The following CDK8 variants were observed in gnomAD, a reference collection of about 807,000 sequenced individuals.
CDK8 encodes the protein cyclin-dependent kinase 8.
In CDK8, 29 loss-of-function variants were observed where a neutral mutation model predicts 71.5. The observed-to-expected ratio is 0.41, with a 90% CI of 0.30 to 0.55. CDK8 has a LOEUF of 0.55. CDK8 is among the 20% of genes least tolerant of loss of function. The pLI is 0.37. For synonymous variants in CDK8, 161 were observed against 192.1 expected, an observed-to-expected ratio of 0.84 and a Z score of 1.34; for missense variants, 288 against 572.6, an observed-to-expected ratio of 0.50 and a Z score of 5.07.
rs191673981 is a variant in CDK8, at chr13:26,346,681, G to C, written c.205-2391G>C. 1.4e-3 allele frequency among the ~76,000 whole-genome samples: 210 copies of C among 152,256 alleles called. 1 individual carries two copies. The highest frequency in any genetic ancestry group is 4.9e-3 in the African/African-American group (203 of 41,546). ...GGAATGGTCAATTTTAGATATTAGC[G>C]TTTAGGTTTCTGAGGATTGGTATAT... On this transcript the variant is annotated intron_variant, in intron 2 of 12. Transcript: ENST00000381527.
intron 1 of CDK8, among the ~76,000 whole-genome samples, chr13:26,317,162 A>G (rs894732724): frequency 6.6e-6 from 1 of 152,198 alleles, no homozygotes; most frequent in African/African-American, 2.4e-5. Flanking sequence ...GAGAAGAAGC[A>G]GAGAGAGAGC....
At position 26,329,669 on chromosome 13, in the gene CDK8, A is replaced by T. The variant is rs184180229; in HGVS notation, c.129-7898A>T. On this transcript the variant is annotated intron_variant, in intron 1 of 12. Transcript: ENST00000381527. ...AGGCACCCACCACCATGCCTGGCTAAATTTTTGTATTTTTTGTACAGACGG... is the reference window on the plus strand; with the variant it reads ...AGGCACCCACCACCATGCCTGGCTATATTTTTGTATTTTTTGTACAGACGG... Among the ~76,000 whole-genome samples, 7 of 151,672 alleles carry T rather than the reference A, an allele frequency of 4.6e-5. No individual in the cohort carries two copies. In the East Asian group the frequency reaches 1.4e-3, roughly 29 times the overall value.
chr13:26,297,450 G>A (rs575951060), intron 1 of CDK8, among the ~76,000 whole-genome samples: 2 of 152,274 alleles, frequency 1.3e-5, no homozygotes, highest in Admixed American at 6.5e-5. Context: ...TTTGATTGAA[G>A]CTCCCTCCTT....
chr13:26,272,324 A>C (rs1212085941), intron 1 of CDK8, among the ~76,000 whole-genome samples: 3 of 152,084 alleles, frequency 2.0e-5, no homozygotes, highest in Non-Finnish European at 4.4e-5. Context: ...AAAAAGAAAA[A>C]AAAGTTTTTA....
chr13:26,323,024 T>C (rs1249913272), intron 1 of CDK8, among the ~76,000 whole-genome samples: 1 of 152,166 alleles, frequency 6.6e-6, no homozygotes, highest in Non-Finnish European at 1.5e-5. Flanking sequence ...TTTTGGGCAA[T>C]AGGTACATAG....
chr13:26,265,605 G>A (rs1012407715), intron 1 of CDK8, among the ~76,000 whole-genome samples: 3 of 152,102 alleles, frequency 2.0e-5, no homozygotes, highest in Admixed American at 1.3e-4. Context: ...GTTTATTTGA[G>A]GTAATTTTGG....
chr13:26,376,654 T>C (rs982755402), intron 4 of CDK8, among the ~76,000 whole-genome samples: 4 of 152,202 alleles, frequency 2.6e-5, no homozygotes, highest in South Asian at 2.1e-4. Context: ...AAGTAAATGA[T>C]CTTTGTGTCA....
Position 26,385,209 on chromosome 13 carries a change from A to G in CDK8, c.515-2A>G. 1.3e-6 allele frequency: 2 copies of G among 1,591,364 alleles called. No individual in the cohort carries two copies. Among genetic ancestry groups the G allele is most frequent in the African/African-American group, 1.4e-5 (1 of 73,356 alleles). The stretch of plus-strand genomic sequence containing the variant: ...CATGATTTTTTTTTTATTATTTTAC[A>G]GCTGACATGGGCTTTGCCCGATTAT... On this transcript the variant is annotated splice_acceptor_variant, in intron 5 of 12. Transcript: ENST00000381527. LOFTEE classifies it high-confidence loss of function.
intron 1 of CDK8, among the ~76,000 whole-genome samples, chr13:26,310,282 C>T (rs1874224377): frequency 6.6e-6 from 1 of 152,166 alleles, no homozygotes; most frequent in Non-Finnish European, 1.5e-5. Context: ...TGAAATTGTA[C>T]AGTGTTGGTG....
intron 2 of CDK8, among the ~76,000 whole-genome samples, chr13:26,340,998 C>T (rs909329775): frequency 1.3e-5 from 2 of 152,176 alleles, no homozygotes; most frequent in East Asian, 3.8e-4. Flanking sequence ...CTAGTGTAGA[C>T]ATTTTTCAAA....
intron 1 of CDK8, among the ~76,000 whole-genome samples, chr13:26,279,142 A>T (rs1872653583): frequency 6.6e-6 from 1 of 152,056 alleles, no homozygotes. Flanking sequence ...GATAGTAAAA[A>T]AGGTAGGGTG....
At chr13:26,287,561 G>C (rs1284281456) in intron 1 of CDK8, among the ~76,000 whole-genome samples, 1 of 152,168 alleles carries the variant, frequency 6.6e-6, no homozygotes, top group Non-Finnish European at 1.5e-5. Flanking sequence ...GATTTTTGGG[G>C]ACTTGGAGGA....
chr13:26,284,882 G>A (rs949152229), intron 1 of CDK8, among the ~76,000 whole-genome samples: 2 of 151,610 alleles, frequency 1.3e-5, no homozygotes, highest in African/African-American at 4.9e-5. Context: ...GATTGGGGAG[G>A]GAGGAAGGAA....
At chr13:26,318,613 TTTA>T (rs1228145231) in intron 1 of CDK8, among the ~76,000 whole-genome samples, 2 of 152,234 alleles carry the variant, frequency 1.3e-5, no homozygotes, top group Non-Finnish European at 2.9e-5. Flanking sequence ...ATTTACCATG[TTTA>T]TTATTACCTT....
At position 26,404,488 on chromosome 13, in the gene CDK8, G is replaced by GTT. The variant is rs1189911523; in HGVS notation, c.*409_*410dup. 2 of 242,144 alleles carry GTT rather than the reference G, an allele frequency of 8.3e-6. No homozygotes were observed. Among genetic ancestry groups the GTT allele is most frequent in the East Asian group, 1.2e-4 (2 of 17,032 alleles). 15.0% of individuals were successfully genotyped at this position (242,144 alleles called of 1,614,324 possible). ...CCAATAGTACACACACAGACACAAA[G>GTT]TTTAACTGGTACTTGAAACATACAG... On this transcript the variant is annotated 3_prime_UTR_variant, in exon 13 of 13. Coordinates refer to ENST00000381527, the MANE Select transcript of CDK8 (RefSeq NM_001260.3).
At chr13:26,356,002 C>T (rs1270856364) in intron 4 of CDK8, among the ~76,000 whole-genome samples, 1 of 151,820 alleles carries the variant, frequency 6.6e-6, no homozygotes, top group Non-Finnish European at 1.5e-5. Flanking sequence ...ATTATGATAC[C>T]GAGTTTCTTT....
chr13:26,268,621 A>G (rs1165904572), intron 1 of CDK8, among the ~76,000 whole-genome samples: 3 of 152,104 alleles, frequency 2.0e-5, no homozygotes, highest in Non-Finnish European at 4.4e-5. Context: ...ATGCCACCAT[A>G]CTTAGCTAAT....
intron 4 of CDK8, among the ~76,000 whole-genome samples, chr13:26,371,691 C>A (rs1232550843): frequency 6.6e-6 from 1 of 152,166 alleles, no homozygotes; most frequent in African/African-American, 2.4e-5. Flanking sequence ...TCTTGGCTCA[C>A]TGCAACCTCC....
intron 4 of CDK8, among the ~76,000 whole-genome samples, chr13:26,375,529 T>A (rs1301475692): frequency 6.6e-6 from 1 of 152,264 alleles, no homozygotes; most frequent in Non-Finnish European, 1.5e-5. Flanking sequence ...AATCTACCTA[T>A]GCATATATCT....
Sources: allele counts gnomAD v4.1 joint callset (sites outside exome capture counted in the v4.1 genomes callset), GRCh38; gene constraint gnomAD v4.1.1; transcripts MANE v1.5; gene names NCBI Gene and HGNC (gene_info 2026-07-23, HGNC 2026-07-21).